Variants in TMEM131L observed in about 807,000 individuals in gnomAD.
The protein encoded by TMEM131L is transmembrane 131 like.
TMEM131L carries 54 observed loss-of-function variants against 192.2 expected under a neutral mutation model. The observed-to-expected ratio is 0.28, with a 90% CI of 0.23 to 0.35. The LOEUF (loss-of-function observed/expected upper bound fraction) is 0.35, where lower values mean the gene tolerates loss of function less well. Ranked by LOEUF, TMEM131L falls within the 10% of genes least tolerant of loss-of-function variation. The probability of loss-of-function intolerance (pLI) is 1.00; values close to 1 mark genes in which losing one functional copy is unlikely to be tolerated. For synonymous variants in TMEM131L, 701 were observed against 704.9 expected (o/e 0.99, Z 0.09); for missense variants, 1,888 against 1,972.9 (o/e 0.96, Z 0.82).
At chr4:153,621,880 CT>C (rs1168856163) in intron 28 of TMEM131L, 31 bp downstream of exon 28, 1 of 1,604,394 alleles carries the variant, frequency 6.2e-7, no homozygotes, top group Admixed American at 1.7e-5. Context: ...ACAAATGGTG[CT>C]TCTGTGGGAA....
In TMEM131L at chr4:153,485,213, C is replaced by G. The variant is rs148415109; in HGVS notation, c.239+11325C>G. Among the ~76,000 whole-genome samples, 739 of 150,006 alleles carry G rather than the reference C, an allele frequency of 4.9e-3. 10 individuals carry two copies. The highest frequency in any genetic ancestry group is 0.017 in the African/African-American group (682 of 40,816). On this transcript the variant is annotated intron_variant, in intron 3 of 34. Coordinates refer to ENST00000409959, the MANE Select transcript of TMEM131L (RefSeq NM_001131007.2). ...GTTTTTATTATGTTCCAAAAATCTT[C>G]TAGTACAATTTATGTTTCAGGAAGG...
intron 3 of TMEM131L, among the ~76,000 whole-genome samples, chr4:153,495,897 C>T (rs769686062): frequency 2.0e-4 from 30 of 152,062 alleles, no homozygotes; most frequent in Non-Finnish European, 3.7e-4. Flanking sequence ...TTTTGGGTAC[C>T]GAGATTTAGT....
chr4:153,550,221 A>G (rs545101449), intron 4 of TMEM131L, 80 bp downstream of exon 4: 22 of 575,268 alleles, frequency 3.8e-5, no homozygotes, highest in South Asian at 5.8e-5. Flanking sequence ...TATATGTACA[A>G]TGTTAAATTT....
chr4:153,484,594 G>A (rs1312832309), intron 3 of TMEM131L, among the ~76,000 whole-genome samples: 10 of 149,758 alleles, frequency 6.7e-5, no homozygotes, highest in Admixed American at 2.0e-4. Context: ...TCAGCCTCCC[G>A]AGTAGCTGGG....
At chr4:153,596,104 A>C (rs1033199893) in intron 19 of TMEM131L, among the ~76,000 whole-genome samples, 154 bp from the exon 20 acceptor site, 2 of 152,170 alleles carry the variant, frequency 1.3e-5, no homozygotes, top group African/African-American at 4.8e-5. Flanking sequence ...ATTGGAGTGA[A>C]CTCTCAGGAT....
chr4:153,566,416 T>C (rs2150565283), intron 7 of TMEM131L, among the ~76,000 whole-genome samples: 1 of 152,308 alleles, frequency 6.6e-6, no homozygotes, highest in South Asian at 2.1e-4. Flanking sequence ...ATTACAGGCA[T>C]GAGCCACTGT....
chr4:153,582,433 G>GT (rs1038256479), intron 9 of TMEM131L, among the ~76,000 whole-genome samples: 10,235 of 40,334 alleles, frequency 0.25, 2,588 homozygotes, highest in East Asian at 0.43. Context: ...TTTTTTTGTT[G>GT]TTTTTTTTTT....
intron 3 of TMEM131L, among the ~76,000 whole-genome samples, chr4:153,542,026 C>G (rs142982340): frequency 3.3e-5 from 5 of 152,326 alleles, no homozygotes; most frequent in African/African-American, 1.2e-4. Context: ...CTGGCCCTTT[C>G]CGAATCCAGG....
rs999244992 is a variant in TMEM131L at position 153,596,345 on chromosome 4, C to G, written c.2083C>G (p.Pro695Ala). Residue 695 changes from proline (P) to alanine (A), a missense_variant, in exon 20 of 35, where the codon CCT becomes GCT. Transcript: ENST00000409959. ...EMKRVGVVFT[P>A]ADYGKVTSLI... ...GAAAAGGGTTGGCGTAGTTTTCACA[C>G]CTGCTGACTATGGAAAAGTTACCTC... The G allele has an allele frequency of 6.2e-7, 1 of 1,613,848 alleles. No individual in the cohort carries two copies. Among genetic ancestry groups the G allele is most frequent in the Non-Finnish European group, 8.5e-7 (1 of 1,179,866 alleles).
chr4:153,599,688 T>C (rs769316082), intron 21 of TMEM131L, among the ~76,000 whole-genome samples: 5 of 152,218 alleles, frequency 3.3e-5, no homozygotes, highest in East Asian at 3.8e-4. Flanking sequence ...TGCTAACCAA[T>C]AGCACTTTTT....
intron 28 of TMEM131L, among the ~76,000 whole-genome samples, 171 bp from the exon 29 acceptor site, chr4:153,622,727 T>C (rs1733524072): frequency 6.6e-6 from 1 of 152,232 alleles, no homozygotes; most frequent in African/African-American, 2.4e-5. Context: ...CCCCTATTAT[T>C]TCTCAAAGTG....
At chr4:153,550,621 T>C (rs113169406) in intron 4 of TMEM131L, among the ~76,000 whole-genome samples, 1,696 of 152,336 alleles carry the variant, frequency 0.011, 27 homozygotes, top group African/African-American at 0.038. Context: ...CCACCACTCC[T>C]GGCCTTCTTT....
chr4:153,577,763 G>A (rs1004809090), intron 7 of TMEM131L, among the ~76,000 whole-genome samples: 1 of 152,138 alleles, frequency 6.6e-6, no homozygotes, highest in Non-Finnish European at 1.5e-5. Flanking sequence ...GAAGTGAAAG[G>A]GGTTTTCAGG....
intron 7 of TMEM131L, among the ~76,000 whole-genome samples, chr4:153,560,096 T>TCC (rs1728750949): frequency 6.6e-6 from 1 of 152,180 alleles, no homozygotes; most frequent in African/African-American, 2.4e-5. Flanking sequence ...TTTGCGTCTC[T>TCC]CCCCATCCTA....
Position 153,581,421 on chromosome 4 carries a change from A to C in TMEM131L, c.753A>C (p.Glu251Asp), listed in dbSNP as rs143931322. The change falls in exon 9 of 35, where the codon GAA becomes GAC. Residue 251 changes from glutamate to aspartate, a missense_variant. By Grantham distance (45) the Glu-to-Asp change is conservative. Coordinates refer to ENST00000409959, the MANE Select transcript of TMEM131L (RefSeq NM_001131007.2). ...VCQQLKGCYLESDDVLRLQMS... is the reference protein window; with the variant it reads ...VCQQLKGCYLDSDDVLRLQMS... ...TCCAACCATAGGGTTGTTATCTGGAATCTGATGATGTTTTGCGTCTACAAA... is the reference window on the plus strand; with the variant it reads ...TCCAACCATAGGGTTGTTATCTGGACTCTGATGATGTTTTGCGTCTACAAA... The C allele has an allele frequency of 7.7e-6, 12 of 1,565,712 alleles. No individual in the cohort carries two copies. The African/African-American group carries it at 1.7e-4, about 22-fold the overall frequency.
intron 31 of TMEM131L, among the ~76,000 whole-genome samples, chr4:153,628,468 A>T (rs993088916): frequency 2.0e-5 from 3 of 152,230 alleles, no homozygotes; most frequent in African/African-American, 7.2e-5. Flanking sequence ...TTTAATACAC[A>T]TACTTGCTTT....
At chr4:153,600,863 C>A (rs1351444875) in intron 21 of TMEM131L, among the ~76,000 whole-genome samples, 2 of 152,172 alleles carry the variant, frequency 1.3e-5, no homozygotes, top group Non-Finnish European at 2.9e-5. Context: ...ATAATCCCAG[C>A]ACTTTGGGAG....
intron 1 of TMEM131L, 139 bp from the exon 2 acceptor site, chr4:153,467,072 C>G: frequency 1.2e-6 from 1 of 828,076 alleles, no homozygotes; most frequent in Non-Finnish European, 2.0e-6. Flanking sequence ...TTGGCTCGCC[C>G]CTGGGATGGC....
chr4:153,604,848 G>A (rs1217680768), intron 25 of TMEM131L, among the ~76,000 whole-genome samples: 2 of 152,086 alleles, frequency 1.3e-5, no homozygotes, highest in Non-Finnish European at 2.9e-5. Context: ...GGGATTACAG[G>A]TGTGTGCCAC....
Sources: allele counts gnomAD v4.1 joint callset (sites outside exome capture counted in the v4.1 genomes callset), GRCh38; gene constraint gnomAD v4.1.1; transcripts MANE v1.5; gene names NCBI Gene and HGNC (gene_info 2026-07-23, HGNC 2026-07-21).